The following ANKRD36 variants were observed in gnomAD, a reference collection of about 807,000 sequenced individuals.
The protein encoded by ANKRD36 is ankyrin repeat domain 36.
Under a neutral mutation model 278.1 loss-of-function variants are expected in ANKRD36, and 179 were observed. That is an observed-to-expected ratio of 0.64 (90% confidence interval 0.57 to 0.73). The LOEUF (loss-of-function observed/expected upper bound fraction) is 0.73, where lower values mean the gene tolerates loss of function less well. ANKRD36 is among the 30% of genes least tolerant of loss of function. ANKRD36 has a pLI of 0.00. For missense variants in ANKRD36, 1,159 were observed against 1,956.7 expected (o/e 0.59, Z 7.69); for synonymous variants, 320 against 641.1 (o/e 0.50, Z 7.57).
intron 54 of ANKRD36, among the ~76,000 whole-genome samples, chr2:97,209,196 C>T (rs1456036891): frequency 6.8e-6 from 1 of 146,598 alleles, no homozygotes; most frequent in Non-Finnish European, 1.5e-5. Context: ...GTGAAGTGTA[C>T]TTTCAACTGG....
At chr2:97,146,419 T>C in intron 10 of ANKRD36, 67 bp from the exon 11 acceptor site, 3 of 1,317,496 alleles carry the variant, frequency 2.3e-6, no homozygotes, top group Non-Finnish European at 3.1e-6. Context: ...CTGTGCTCTT[T>C]TATGTTTTTA....
chr2:97,204,507 G>C (rs1163518082), intron 50 of ANKRD36, among the ~76,000 whole-genome samples: 2 of 151,434 alleles, frequency 1.3e-5, no homozygotes, highest in Non-Finnish European at 3.0e-5. Flanking sequence ...AGCAGTTCAA[G>C]GCATAAGGGG....
chr2:97,209,295 G>C (rs528358348), intron 54 of ANKRD36, among the ~76,000 whole-genome samples: 5 of 146,566 alleles, frequency 3.4e-5, no homozygotes, highest in Non-Finnish European at 7.4e-5. Context: ...AAATCCTTTT[G>C]ATTTGTTGCA....
chr2:97,179,633 G>A, intron 22 of ANKRD36, 105 bp from the exon 23 acceptor site: 1 of 1,444,710 alleles, frequency 6.9e-7, no homozygotes, highest in Non-Finnish European at 9.3e-7. Context: ...CAGTAATACA[G>A]GCAGGAGTAC....
At chr2:97,120,831 T>C (rs913805898) in intron 3 of ANKRD36, among the ~76,000 whole-genome samples, 48 of 152,260 alleles carry the variant, frequency 3.2e-4, no homozygotes, top group African/African-American at 1.1e-3. Flanking sequence ...AGTTTGTGTC[T>C]ACAAATTGTC....
chr2:97,204,846 G>T (rs1246915180), intron 50 of ANKRD36, among the ~76,000 whole-genome samples: 3 of 151,456 alleles, frequency 2.0e-5, no homozygotes, highest in East Asian at 3.9e-4. Context: ...TTTGATTTTC[G>T]CTGCTCCAGC....
rs141547258 is a variant in ANKRD36 at position 97,208,520 on chromosome 2, G to T, written c.3265+514G>T. ...TCATTTATATAATTTTGGAGTTTCTGCTGAGGAAACCTGAGTGAACTCACT... is the reference window on the plus strand; with the variant it reads ...TCATTTATATAATTTTGGAGTTTCTTCTGAGGAAACCTGAGTGAACTCACT... On this transcript the variant is annotated intron_variant, in intron 54 of 75. Coordinates refer to ENST00000420699, the MANE Select transcript of ANKRD36 (RefSeq NM_001354587.1). 9.5e-4 allele frequency among the ~76,000 whole-genome samples: 139 copies of T among 146,322 alleles called. 10 individuals are homozygous for T. In the East Asian group the frequency reaches 0.025, roughly 27 times the overall value.
Position 97,118,143 on chromosome 2 carries a change from C to G in ANKRD36, c.277C>G (p.Leu93Val). ...GGTGTCCAGAAGATGTGAGCTTAAC[C>G]TCTGCGACCGTGAAGACAGGACACC... ...LLVSRRCELN[L>V]CDREDRTPLI... The change falls in exon 2 of 76, where the codon CTC becomes GTC. Residue 93 changes from leucine to valine, a missense_variant. Physicochemically the swap from Leu to Val is conservative, Grantham distance 32. Coordinates refer to ENST00000420699, the MANE Select transcript of ANKRD36 (RefSeq NM_001354587.1). The G allele has an allele frequency of 1.3e-6, 2 of 1,568,562 alleles. No homozygotes were observed. The highest frequency in any genetic ancestry group is 2.3e-5 in the South Asian group (2 of 85,270).
Position 97,149,406 on chromosome 2 carries a change from A to G in ANKRD36, c.1101+45A>G, listed in dbSNP as rs1017507055. Reference sequence around the variant, plus strand: ...AATTAATTTTCTCCCTCTGAATCTCATTTTTTATATTATTTTCTTCTAAAA... The same window carrying G: ...AATTAATTTTCTCCCTCTGAATCTCGTTTTTTATATTATTTTCTTCTAAAA... On this transcript the variant is annotated intron_variant, in intron 12 of 75. Coordinates refer to ENST00000420699, the MANE Select transcript of ANKRD36 (RefSeq NM_001354587.1). The G allele has an allele frequency of 1.2e-5, 17 of 1,422,902 alleles. No individual in the cohort carries two copies. The African/African-American group carries it at 1.7e-4, about 15-fold the overall frequency. 88.1% of individuals were successfully genotyped at this position (1,422,902 alleles called of 1,614,324 possible). A position where few individuals can be genotyped will look rare whatever the true frequency, so the allele number is the denominator to read the frequency against.
At chr2:97,190,591 G>T (rs1209125486) in intron 34 of ANKRD36, among the ~76,000 whole-genome samples, 14 of 151,580 alleles carry the variant, frequency 9.2e-5, no homozygotes, top group African/African-American at 2.9e-4. Context: ...AAATCCTTTT[G>T]ATTTCCTGCA....
intron 6 of ANKRD36, among the ~76,000 whole-genome samples, chr2:97,129,247 T>G (rs2039441311): frequency 6.6e-6 from 1 of 152,018 alleles, no homozygotes; most frequent in African/African-American, 2.4e-5. Flanking sequence ...TTTTTCATGT[T>G]TTTTGGCTGA....
rs772042350 is a variant in ANKRD36 at position 97,206,056 on chromosome 2, C to T, written c.3091-7C>T. On this transcript the variant is annotated splice_polypyrimidine_tract_variant and splice_region_variant and intron_variant, in intron 51 of 75. Transcript: ENST00000420699. ...TTATTTATTATTTTGTTTCAAATTC[C>T]ATTCAGGCTACAAGTGATGAGGAAG... is the stretch of plus-strand genomic sequence containing the variant. 6.5e-7 allele frequency: 1 copy of T among 1,549,502 alleles called. No individual in the cohort carries two copies. Among genetic ancestry groups the T allele is most frequent in the Non-Finnish European group, 8.7e-7 (1 of 1,148,990 alleles).
chr2:97,171,784 G>A (rs527841897), intron 22 of ANKRD36, among the ~76,000 whole-genome samples: 2 of 149,566 alleles, frequency 1.3e-5, no homozygotes, highest in South Asian at 4.3e-4. Context: ...AGACTTAAAC[G>A]TTTAAGTGAG....
rs921052622 is a variant in ANKRD36, at chr2:97,202,038, A to G, written c.2858-164A>G. On this transcript the variant is annotated intron_variant, in intron 46 of 75. Transcript: ENST00000420699. ...CATGGAGCCTGTATTCGCTTTTCTC[A>G]GTGTATTTCTGTCACGTTCTAGTCC... Among the ~76,000 whole-genome samples, 2 of 151,898 alleles carry G rather than the reference A, an allele frequency of 1.3e-5. 1 individual carries two copies. The highest frequency in any genetic ancestry group is 1.3e-4 in the Admixed American group (2 of 15,230).
rs2060956352 is a variant in ANKRD36 at position 97,200,205 on chromosome 2, A to G, written c.2756-129A>G. 1.9e-6 allele frequency: 3 copies of G among 1,556,804 alleles called. No individual in the cohort carries two copies. In the South Asian group the frequency reaches 3.5e-5, roughly 18 times the overall value. On this transcript the variant is annotated intron_variant, in intron 44 of 75. Transcript: ENST00000420699. ...TGTCATGTTCTGATCCCCAGACACA[A>G]AGTAGAAGCCATCAAAGCCTCCACT...
At chr2:97,205,428 C>A (rs1233391915) in intron 50 of ANKRD36, among the ~76,000 whole-genome samples, 2 of 151,524 alleles carry the variant, frequency 1.3e-5, no homozygotes. Flanking sequence ...ATTTAGGACA[C>A]TTCCACTGAA....
At chr2:97,237,777 TTTC>T (rs548208870) in intron 68 of ANKRD36, among the ~76,000 whole-genome samples, 771 of 142,220 alleles carry the variant, frequency 5.4e-3, no homozygotes, top group African/African-American at 0.019. Flanking sequence ...ATGAGGGAAT[TTTC>T]TTGTTGGTAA....
chr2:97,140,281 G>C (rs13026122), intron 6 of ANKRD36, among the ~76,000 whole-genome samples: 1 of 151,076 alleles, frequency 6.6e-6, no homozygotes, highest in Admixed American at 6.6e-5. Flanking sequence ...TTGAGGAGAG[G>C]CAGTGTCATT....
chr2:97,190,920 A>G, intron 34 of ANKRD36, 58 bp from the exon 35 acceptor site: 9 of 1,587,858 alleles, frequency 5.7e-6, no homozygotes, highest in South Asian at 1.1e-5. Flanking sequence ...GTGTGAATGT[A>G]TGGATAACTT....
Sources: allele counts gnomAD v4.1 joint callset (sites outside exome capture counted in the v4.1 genomes callset), GRCh38; gene constraint gnomAD v4.1.1; transcripts MANE v1.5; gene names NCBI Gene and HGNC (gene_info 2026-07-23, HGNC 2026-07-21).